Variants in ARHGAP17 observed in about 807,000 individuals in gnomAD.
ARHGAP17 encodes rho GTPase-activating protein 17.
Under a neutral mutation model 99.5 loss-of-function variants are expected in ARHGAP17, and 57 were observed. The ratio of observed to expected loss-of-function variants is 0.57; its 90% CI spans 0.46 to 0.71. The LOEUF (loss-of-function observed/expected upper bound fraction) is 0.71. ARHGAP17 is among the 30% of genes least tolerant of loss of function. ARHGAP17 has a pLI of 0.00. For synonymous variants in ARHGAP17, 417 were observed against 429.6 expected, an observed-to-expected ratio of 0.97 and a Z score of 0.36; for missense variants, 1,000 against 1,122.4, an observed-to-expected ratio of 0.89 and a Z score of 1.56.
At chr16:24,979,892 G>A (rs2052622722) in intron 1 of ARHGAP17, among the ~76,000 whole-genome samples, 1 of 152,154 alleles carries the variant, frequency 6.6e-6, no homozygotes, top group Non-Finnish European at 1.5e-5. Context: ...TGTATTTTTA[G>A]AAGAGACAGG....
chr16:24,953,620 G>A (rs2051711974), intron 10 of ARHGAP17, among the ~76,000 whole-genome samples: 1 of 152,256 alleles, frequency 6.6e-6, no homozygotes, highest in African/African-American at 2.4e-5. Context: ...GTTTCCTGAG[G>A]CCTCTCCAGC....
intron 1 of ARHGAP17, among the ~76,000 whole-genome samples, chr16:24,997,633 A>C (rs1424264109): frequency 6.6e-6 from 1 of 152,216 alleles, no homozygotes; most frequent in Non-Finnish European, 1.5e-5. Context: ...GTGGGTAGGT[A>C]GAGCAGGGCA....
At chr16:24,944,863 G>A (rs925289958) in intron 14 of ARHGAP17, among the ~76,000 whole-genome samples, 12 of 151,950 alleles carry the variant, frequency 7.9e-5, no homozygotes, top group South Asian at 4.2e-4. Flanking sequence ...TGATCTGCCC[G>A]TCTCGGCCTC....
intron 15 of ARHGAP17, among the ~76,000 whole-genome samples, chr16:24,943,422 C>A (rs1291390107): frequency 3.3e-5 from 5 of 152,232 alleles, no homozygotes; most frequent in Non-Finnish European, 4.4e-5. Flanking sequence ...ATCCACCTAT[C>A]TTCTAATGTG....
At chr16:24,962,078 A>C (rs1054292185) in intron 7 of ARHGAP17, among the ~76,000 whole-genome samples, 10 of 151,678 alleles carry the variant, frequency 6.6e-5, no homozygotes, top group Non-Finnish European at 1.5e-5. Context: ...GTTAGAAGTA[A>C]TGAACATCCT....
intron 6 of ARHGAP17, among the ~76,000 whole-genome samples, 200 bp downstream of exon 6, chr16:24,968,151 C>T (rs949932593): frequency 2.6e-5 from 4 of 152,198 alleles, no homozygotes; most frequent in African/African-American, 9.7e-5. Flanking sequence ...TGCTGGCTCA[C>T]TAAGAACAGG....
In ARHGAP17 at chr16:24,942,036, G is replaced by A. The variant is rs199829132; in HGVS notation, c.1441C>T (p.Arg481Trp). The A allele has an allele frequency of 3.0e-5, 48 of 1,613,920 alleles. No homozygotes were observed. The highest frequency in any genetic ancestry group is 6.7e-5 in the East Asian group (3 of 44,900). Residue 481 changes from arginine (R) to tryptophan (W), a missense_variant, in exon 16 of 20, where the codon CGG (arginine) becomes TGG (tryptophan). Physicochemically the swap from Arg to Trp is moderately radical, Grantham distance 101 (BLOSUM62 -3). This residue lies in a region of ARHGAP17 where 472 missense variants were observed against 611.1 expected (regional missense o/e 0.77). Coordinates refer to ENST00000289968, the MANE Select transcript of ARHGAP17 (RefSeq NM_001006634.3). ...TCCATCACCGCCATGCTAGCAGGCC[G>A]CTTCCTCTCCAGGGTCCCCGAGTCA... Reference protein sequence around the residue: ...DSDSGTLERKRPASMAVMEGD... With the variant: ...DSDSGTLERKWPASMAVMEGD...
chr16:24,971,480 C>T (rs1188237732), intron 3 of ARHGAP17, among the ~76,000 whole-genome samples: 1 of 152,090 alleles, frequency 6.6e-6, no homozygotes, highest in Non-Finnish European at 1.5e-5. Context: ...GCATGCACCA[C>T]TTACACCCAG....
chr16:24,939,666 A>G (rs1369420849), intron 16 of ARHGAP17, 69 bp from the exon 17 acceptor site: 1 of 1,479,790 alleles, frequency 6.8e-7, no homozygotes, highest in South Asian at 1.2e-5. Context: ...CCATCGGTCC[A>G]CATGTGTTAA....
chr16:24,959,474 A>G (rs2051916568), intron 9 of ARHGAP17, among the ~76,000 whole-genome samples, 197 bp downstream of exon 9: 1 of 152,198 alleles, frequency 6.6e-6, no homozygotes, highest in Non-Finnish European at 1.5e-5. Context: ...CAAATGTTCC[A>G]TTAGTGTGTT....
chr16:24,971,352 CAG>C (rs2052356720), intron 3 of ARHGAP17, among the ~76,000 whole-genome samples: 1 of 141,820 alleles, frequency 7.1e-6, no homozygotes, highest in Non-Finnish European at 1.5e-5. Flanking sequence ...TTTTTTGAGG[CAG>C]AGTCTTGCTC....
chr16:25,000,678 T>G (rs56278661), intron 1 of ARHGAP17, among the ~76,000 whole-genome samples: 9,481 of 152,272 alleles, frequency 0.062, 412 homozygotes, highest in Middle Eastern at 0.13. Context: ...CCTTGTGACC[T>G]GCTAACCACC....
intron 6 of ARHGAP17, among the ~76,000 whole-genome samples, chr16:24,966,664 T>C (rs1376084896): frequency 6.7e-6 from 1 of 148,752 alleles, no homozygotes; most frequent in African/African-American, 2.5e-5. Context: ...GGTGTGGTGG[T>C]GTGCAGCTAC....
At chr16:24,961,471 C>G (rs1423416365) in intron 7 of ARHGAP17, among the ~76,000 whole-genome samples, 1 of 147,714 alleles carries the variant, frequency 6.8e-6, no homozygotes, top group East Asian at 2.0e-4. Flanking sequence ...TTGAGAACAG[C>G]CTGGACAACA....
chr16:25,001,445 A>G (rs1256426740), intron 1 of ARHGAP17, among the ~76,000 whole-genome samples: 1 of 152,234 alleles, frequency 6.6e-6, no homozygotes, highest in Non-Finnish European at 1.5e-5. Context: ...AATAAACATC[A>G]TTTGAATAAA....
chr16:24,920,853 A>G (rs1212458780), intron 19 of ARHGAP17: 1 of 152,492 alleles, frequency 6.6e-6, no homozygotes, highest in Non-Finnish European at 1.5e-5. Context: ...AAATGTCTCC[A>G]GATGCTGCCG....
At chr16:24,921,646 T>C (rs2050722290) in intron 19 of ARHGAP17, among the ~76,000 whole-genome samples, 1 of 152,148 alleles carries the variant, frequency 6.6e-6, no homozygotes, top group Non-Finnish European at 1.5e-5. Context: ...GTGAGATCTA[T>C]TTACTCCCTG....
At chr16:24,965,439 G>A (rs150554907) in intron 6 of ARHGAP17, among the ~76,000 whole-genome samples, 6 of 152,286 alleles carry the variant, frequency 3.9e-5, no homozygotes, top group Admixed American at 6.5e-5. Flanking sequence ...TCGCAACGCC[G>A]CACTCCAGCC....
chr16:24,955,400 A>C lies in ARHGAP17; in HGVS notation c.725-670T>G, dbSNP rs2051779793. 1 of 152,266 alleles carries C rather than the reference A, an allele frequency of 6.6e-6. No individual in the cohort carries two copies. The highest frequency in any genetic ancestry group is 2.4e-5 in the African/African-American group (1 of 41,474). The allele number at this position is 152,266 out of a possible 1,614,324, so 9.4% of individuals were successfully genotyped here. The stretch of plus-strand genomic sequence containing the variant: ...AGGCTATGCTGATGGCAGGAAAGCC[A>C]TATTTTAGATTATCTTCAGGTTATG... On this transcript the variant is annotated intron_variant, in intron 9 of 19. Transcript: ENST00000289968. The surrounding 1 kb of genome is among the most constrained non-coding windows in gnomAD (Gnocchi z 4.0).
Sources: allele counts gnomAD v4.1 joint callset (sites outside exome capture counted in the v4.1 genomes callset), GRCh38; gene constraint gnomAD v4.1.1; regional missense constraint gnomAD v4.1.1; non-coding constraint Gnocchi (gnomAD v3.1); transcripts MANE v1.5; gene names NCBI Gene and HGNC (gene_info 2026-07-23, HGNC 2026-07-21).